HYDIN: variants seen among roughly 807,000 people sequenced by gnomAD.
The protein encoded by HYDIN is HYDIN axonemal central pair apparatus protein, also known as axonemal central pair apparatus protein HYDIN.
A neutral mutation model predicts 403.9 loss-of-function variants in HYDIN; 132 were observed. That is an observed-to-expected ratio of 0.33 (90% CI 0.28 to 0.38). The LOEUF (loss-of-function observed/expected upper bound fraction) is 0.38. Ranked by LOEUF, HYDIN falls within the 10% of genes least tolerant of loss-of-function variation. The pLI, the probability that HYDIN is intolerant of heterozygous loss-of-function variation, is 1.00. For missense variants in HYDIN, 2,827 were observed against 5,009.5 expected (o/e 0.56, Z 13.15); for synonymous variants, 1,202 against 1,891.7 (o/e 0.64, Z 9.46).
chr16:71,178,627 G>C (rs1330474301), intron 4 of HYDIN, among the ~76,000 whole-genome samples: 1 of 151,720 alleles, frequency 6.6e-6, no homozygotes, highest in African/African-American at 2.4e-5. Flanking sequence ...TAAAAACCTA[G>C]CCCAATTTGT....
intron 45 of HYDIN, among the ~76,000 whole-genome samples, chr16:70,932,306 G>C (rs1441703207): frequency 2.6e-5 from 4 of 152,162 alleles, no homozygotes; most frequent in African/African-American, 9.7e-5. Flanking sequence ...AGTGAGCCGA[G>C]ATCGAGCCAC....
rs2078100803 is a variant in HYDIN at position 70,952,501 on chromosome 16, C to A, written c.6451G>T (p.Val2151Leu). The A allele has an allele frequency of 6.3e-7, 1 of 1,589,914 alleles. No homozygotes were observed. The highest frequency in any genetic ancestry group is 8.6e-7 in the Non-Finnish European group (1 of 1,167,230). The change falls in exon 41 of 86, where the codon GTG becomes TTG. Residue 2151 changes from valine (V) to leucine (L), a missense_variant. Physicochemically the swap from Val to Leu is conservative, Grantham distance 32 (BLOSUM62 1). Coordinates refer to ENST00000393567, the MANE Select transcript of HYDIN (RefSeq NM_001270974.2). Reference protein sequence around the residue: ...KPGKSVRGSVVITKSKADSHG... With the variant: ...KPGKSVRGSVLITKSKADSHG... ...CTGTCTGCCTTGCTTTTGGTGATCACCACGCTCCCACGAACACTCTTTCCA... is the reference window on the plus strand; with the variant it reads ...CTGTCTGCCTTGCTTTTGGTGATCAACACGCTCCCACGAACACTCTTTCCA...
At chr16:71,115,160 G>A (rs2083972374) in intron 10 of HYDIN, among the ~76,000 whole-genome samples, 1 of 151,482 alleles carries the variant, frequency 6.6e-6, no homozygotes, top group East Asian at 2.0e-4. Context: ...GAAAGACTAT[G>A]TGGAGGTAAC....
At chr16:70,853,915 A>G (rs1047855728) in intron 73 of HYDIN, among the ~76,000 whole-genome samples, 1 of 143,846 alleles carries the variant, frequency 7.0e-6, no homozygotes, top group African/African-American at 2.8e-5. Flanking sequence ...TTTTTGAGAC[A>G]AAGTCTTGCT....
intron 18 of HYDIN, among the ~76,000 whole-genome samples, chr16:71,036,314 A>G (rs1029803891): frequency 3.9e-4 from 60 of 152,174 alleles, no homozygotes; most frequent in Admixed American, 1.3e-4. Context: ...CTTCTTCCCA[A>G]ATTGATGGCC....
intron 21 of HYDIN, among the ~76,000 whole-genome samples, chr16:71,021,934 T>G (rs961253667): frequency 6.6e-6 from 1 of 152,080 alleles, no homozygotes; most frequent in African/African-American, 2.4e-5. Flanking sequence ...GCCTTGGTTG[T>G]ACTCTATGAG....
chr16:71,166,313 A>C, intron 5 of HYDIN, among the ~76,000 whole-genome samples: 1 of 151,370 alleles, frequency 6.6e-6, no homozygotes, highest in Non-Finnish European at 1.5e-5. Context: ...ATAATAATAG[A>C]ACAAGATAAT....
At chr16:71,071,785 A>T (rs1456975768) in intron 13 of HYDIN, among the ~76,000 whole-genome samples, 1 of 152,238 alleles carries the variant, frequency 6.6e-6, no homozygotes, top group Non-Finnish European at 1.5e-5. Context: ...TACTAGAGAA[A>T]GGACCCTATC....
chr16:71,069,898 T>C (rs1320882473), intron 13 of HYDIN, among the ~76,000 whole-genome samples: 2 of 152,228 alleles, frequency 1.3e-5, no homozygotes, highest in South Asian at 2.1e-4. Flanking sequence ...CATTTTTACA[T>C]TGAATCATGC....
intron 55 of HYDIN, 58 bp from the exon 56 acceptor site, chr16:70,892,587 A>G: frequency 6.4e-7 from 1 of 1,555,786 alleles, no homozygotes; most frequent in Non-Finnish European, 8.7e-7. Flanking sequence ...TCAAGATCCC[A>G]GAGAGGAGAC....
intron 1 of HYDIN, among the ~76,000 whole-genome samples, chr16:71,212,210 T>C (rs575042294): frequency 2.6e-4 from 40 of 152,288 alleles, no homozygotes; most frequent in African/African-American, 9.1e-4. Flanking sequence ...CCATTTTAAA[T>C]TTGTAGGCTG....
At position 70,947,600 on chromosome 16, in the gene HYDIN, G is replaced by C. The variant is rs1365338802; in HGVS notation, c.6532-3651C>G. On this transcript the variant is annotated intron_variant, in intron 41 of 85. Transcript: ENST00000393567. ...CCCTCTTTTTCTATTGATTGGAATA[G>C]TTTCAGAAGGAATGGTACCAGTTCC... Among the ~76,000 whole-genome samples, 7 of 151,286 alleles carry C rather than the reference G, an allele frequency of 4.6e-5. No homozygotes were observed. The East Asian group carries it at 1.4e-3, about 29-fold the overall frequency.
chr16:71,197,400 C>T (rs1205262585), intron 1 of HYDIN, among the ~76,000 whole-genome samples: 1 of 152,210 alleles, frequency 6.6e-6, no homozygotes, highest in Non-Finnish European at 1.5e-5. Context: ...CTTGACTCTG[C>T]ATATCTGCCA....
In HYDIN at chr16:70,874,838, C is replaced by T; in HGVS notation, c.10639G>A (p.Glu3547Lys). 6.2e-7 allele frequency: 1 copy of T among 1,613,730 alleles called. No individual in the cohort carries two copies. The highest frequency in any genetic ancestry group is 1.1e-5 in the South Asian group (1 of 90,982). Reference sequence around the variant, plus strand: ...TTACCTTTTACATGTGGTTTATTTTCCTCTGTGATGTAGATATACGCGGTG... The same window carrying T: ...TTACCTTTTACATGTGGTTTATTTTTCTCTGTGATGTAGATATACGCGGTG... ...PTTAYIYITE[E>K]NKPHVKAKKA... The change falls in exon 63 of 86, where the codon GAA becomes AAA. Residue 3547 changes from glutamate to lysine, a missense_variant. By Grantham distance (56) the Glu-to-Lys change is moderately conservative (BLOSUM62 1). Coordinates refer to ENST00000393567, the MANE Select transcript of HYDIN (RefSeq NM_001270974.2).
intron 5 of HYDIN, among the ~76,000 whole-genome samples, chr16:71,163,271 C>T (rs1360401342): frequency 3.3e-5 from 5 of 151,888 alleles, no homozygotes; most frequent in East Asian, 3.9e-4. Flanking sequence ...TAGAGGCACC[C>T]GCCACCACGC....
chr16:70,934,316 C>G (rs564555894), intron 45 of HYDIN, among the ~76,000 whole-genome samples: 23 of 151,406 alleles, frequency 1.5e-4, no homozygotes, highest in African/African-American at 5.6e-4. Flanking sequence ...TCGGGGGCAC[C>G]AGGGTTGAAG....
intron 36 of HYDIN, among the ~76,000 whole-genome samples, chr16:70,967,932 G>A (rs1056997973): frequency 6.6e-6 from 1 of 151,490 alleles, no homozygotes; most frequent in East Asian, 1.9e-4. Context: ...TTATATCCAT[G>A]ATTTTCAAGA....
At chr16:71,006,928 C>A (rs2079905846) in intron 23 of HYDIN, among the ~76,000 whole-genome samples, 1 of 152,010 alleles carries the variant, frequency 6.6e-6, no homozygotes, top group African/African-American at 2.4e-5. Flanking sequence ...AGCTTATAAA[C>A]TCTTGATGGG....
Position 71,230,542 on chromosome 16 carries a change from T to C in HYDIN, c.-24+20A>G. On this transcript the variant is annotated intron_variant, in intron 1 of 85. Coordinates refer to ENST00000393567, the MANE Select transcript of HYDIN (RefSeq NM_001270974.2). Reference sequence around the variant, plus strand: ...TGTCCCTCACACTTTGACCCCACAATCTCTGCGAGGACCTCTGACCTTGGT... The same window carrying C: ...TGTCCCTCACACTTTGACCCCACAACCTCTGCGAGGACCTCTGACCTTGGT... The C allele has an allele frequency of 6.6e-7, 1 of 1,524,018 alleles. No individual in the cohort carries two copies. Among genetic ancestry groups the C allele is most frequent in the Non-Finnish European group, 8.8e-7 (1 of 1,138,582 alleles). The allele number at this position is 1,524,018 out of a possible 1,614,324, so 94.4% of individuals were successfully genotyped here.
Sources: gnomAD v4.1 joint callset for allele counts (sites outside exome capture counted in the v4.1 genomes callset) on GRCh38, gnomAD v4.1.1 for gene constraint, MANE v1.5 for transcripts, NCBI Gene and HGNC (gene_info 2026-07-23, HGNC 2026-07-21) for gene names.